The following SH3RF3 variants were observed in gnomAD, a reference collection of about 807,000 sequenced individuals.
The protein encoded by SH3RF3 is SH3 domain containing ring finger 3, also known as E3 ubiquitin-protein ligase SH3RF3.
A neutral mutation model predicts 66.3 loss-of-function variants in SH3RF3; 29 were observed. The ratio of observed to expected loss-of-function variants is 0.44; its 90% CI spans 0.33 to 0.60. SH3RF3 has a LOEUF of 0.60. Ranked by LOEUF, SH3RF3 falls within the 20% of genes least tolerant of loss-of-function variation. SH3RF3 has a pLI of 0.04. For missense variants in SH3RF3, 1,194 were observed against 1,190.9 expected, an observed-to-expected ratio of 1.00 and a Z score of -0.04; for synonymous variants, 583 against 532.0, an observed-to-expected ratio of 1.10 and a Z score of -1.32.
chr2:109,483,143 G>C (rs1436084014), intron 8 of SH3RF3, among the ~76,000 whole-genome samples: 1 of 152,126 alleles, frequency 6.6e-6, no homozygotes, highest in Non-Finnish European at 1.5e-5. Flanking sequence ...CCAGAGAGGT[G>C]CCCTTTCCCC....
intron 1 of SH3RF3, among the ~76,000 whole-genome samples, chr2:109,321,138 C>T (rs1213553234): frequency 1.3e-5 from 2 of 152,242 alleles, no homozygotes; most frequent in Non-Finnish European, 2.9e-5. Flanking sequence ...ACACACAAGA[C>T]GCCATGTGCA....
chr2:109,219,765 C>A (rs1679188652), intron 1 of SH3RF3, among the ~76,000 whole-genome samples: 1 of 152,172 alleles, frequency 6.6e-6, no homozygotes, highest in Admixed American at 6.5e-5. Context: ...CTGAAAACTA[C>A]AACATGTTTT....
At chr2:109,145,801 CAG>C (rs1228146331) in intron 1 of SH3RF3, among the ~76,000 whole-genome samples, 1 of 152,150 alleles carries the variant, frequency 6.6e-6, no homozygotes, top group Non-Finnish European at 1.5e-5. Flanking sequence ...GGCATGGGGT[CAG>C]GGGTGTAGTG....
chr2:109,197,182 C>T (rs762482139), intron 1 of SH3RF3, among the ~76,000 whole-genome samples: 12 of 152,184 alleles, frequency 7.9e-5, no homozygotes, highest in Non-Finnish European at 1.3e-4. Context: ...CCCAGGAAGG[C>T]GGTAGTCTTG....
rs949348030 is a variant in SH3RF3, at chr2:109,134,956, G to A, written c.573+4843G>A. Among the ~76,000 whole-genome samples the A allele has an allele frequency of 2.6e-5, 4 of 152,342 alleles. No homozygotes were observed. The East Asian group carries it at 7.7e-4, about 29-fold the overall frequency. On this transcript the variant is annotated intron_variant, in intron 1 of 9. Coordinates refer to ENST00000309415, the MANE Select transcript of SH3RF3 (RefSeq NM_001099289.3). ...TGTAAGTGACATGAACAGGACATTA[G>A]TCTGAGTGGCCTAGCTGGCTAACCC... is the stretch of plus-strand genomic sequence containing the variant.
intron 8 of SH3RF3, among the ~76,000 whole-genome samples, chr2:109,458,174 T>C (rs1303068338): frequency 6.6e-6 from 1 of 152,230 alleles, no homozygotes; most frequent in Non-Finnish European, 1.5e-5. Context: ...TGATAAGCTA[T>C]GTGCTTGCTT....
At chr2:109,355,306 A>G (rs1163295481) in intron 2 of SH3RF3, among the ~76,000 whole-genome samples, 1 of 152,170 alleles carries the variant, frequency 6.6e-6, no homozygotes, top group African/African-American at 2.4e-5. Flanking sequence ...TGGCCCAGGA[A>G]CTTGTCTGCT....
intron 8 of SH3RF3, among the ~76,000 whole-genome samples, chr2:109,481,391 C>A (rs1678829458): frequency 6.6e-6 from 1 of 152,106 alleles, no homozygotes; most frequent in Non-Finnish European, 1.5e-5. Context: ...CTTCTGGCAG[C>A]GTTCCTGCCC....
intron 1 of SH3RF3, among the ~76,000 whole-genome samples, chr2:109,257,589 C>T (rs1183601885): frequency 6.6e-6 from 1 of 152,112 alleles, no homozygotes; most frequent in Non-Finnish European, 1.5e-5. Context: ...CTTCCCTTGA[C>T]CACTGGAGCA....
At chr2:109,447,741 A>G (rs886073546) in intron 7 of SH3RF3, among the ~76,000 whole-genome samples, 52 of 152,334 alleles carry the variant, frequency 3.4e-4, no homozygotes, top group African/African-American at 1.3e-3. Flanking sequence ...ACTAACACAC[A>G]TAGTAGCAGG....
intron 1 of SH3RF3, among the ~76,000 whole-genome samples, chr2:109,163,028 T>C (rs539393812): frequency 1.8e-3 from 275 of 150,782 alleles, no homozygotes; most frequent in African/African-American, 6.0e-3. Context: ...TCCCCCAAAG[T>C]CTGTATAGTG....
chr2:109,276,457 G>A (rs1247048965), intron 1 of SH3RF3, among the ~76,000 whole-genome samples: 44 of 152,270 alleles, frequency 2.9e-4, no homozygotes, highest in Non-Finnish European at 1.5e-5. Context: ...GACCCAGGGA[G>A]GGCAAGAAGC....
intron 1 of SH3RF3, 91 bp downstream of exon 1, chr2:109,130,204 A>G: frequency 3.4e-6 from 4 of 1,173,524 alleles, no homozygotes; most frequent in Non-Finnish European, 4.3e-6. Context: ...GGTGCGGAGG[A>G]GACCACGGGT....
At chr2:109,479,840 C>G (rs770911394) in intron 8 of SH3RF3, among the ~76,000 whole-genome samples, 13 of 152,254 alleles carry the variant, frequency 8.5e-5, no homozygotes, top group Admixed American at 3.9e-4. Context: ...ATGAAGACCC[C>G]GGGACTCACT....
intron 8 of SH3RF3, among the ~76,000 whole-genome samples, chr2:109,468,739 A>G (rs527809677): frequency 6.6e-6 from 1 of 151,598 alleles, no homozygotes; most frequent in South Asian, 2.1e-4. Flanking sequence ...CTGTAATCCC[A>G]GCTACTCAGG....
intron 8 of SH3RF3, among the ~76,000 whole-genome samples, chr2:109,472,973 T>G (rs1678564102): frequency 6.6e-6 from 1 of 152,190 alleles, no homozygotes; most frequent in Admixed American, 6.5e-5. Flanking sequence ...TGCTATAAAT[T>G]CTACCCGACT....
At chr2:109,291,593 T>C (rs1681184231) in intron 1 of SH3RF3, among the ~76,000 whole-genome samples, 1 of 152,240 alleles carries the variant, frequency 6.6e-6, no homozygotes, top group Non-Finnish European at 1.5e-5. Context: ...TGTGATCTGC[T>C]GAGCCCAGGC....
At chr2:109,433,214 T>C (rs7572539) in intron 6 of SH3RF3, among the ~76,000 whole-genome samples, 106 of 152,378 alleles carry the variant, frequency 7.0e-4, no homozygotes, top group African/African-American at 2.3e-3. Flanking sequence ...GCAGTGTGTG[T>C]CATCATATAT....
At chr2:109,379,279 A>G (rs764519084) in intron 3 of SH3RF3, among the ~76,000 whole-genome samples, 3 of 152,336 alleles carry the variant, frequency 2.0e-5, no homozygotes, top group East Asian at 1.9e-4. Context: ...CCAGGGCTCA[A>G]TCTCTCCAGC....
Sources: gnomAD v4.1 joint callset for allele counts (sites outside exome capture counted in the v4.1 genomes callset) on GRCh38, gnomAD v4.1.1 for gene constraint, MANE v1.5 for transcripts, NCBI Gene and HGNC (gene_info 2026-07-23, HGNC 2026-07-21) for gene names.